ZBTB2: variants seen among roughly 807,000 people sequenced by gnomAD.
The protein encoded by ZBTB2 is zinc finger and BTB domain containing 2.
Under a neutral mutation model 39.5 loss-of-function variants are expected in ZBTB2, and 2 were observed. The ratio of observed to expected loss-of-function variants is 0.05; its 90% confidence interval spans 0.02 to 0.16. ZBTB2 has a LOEUF of 0.16. Ranked by LOEUF, ZBTB2 falls within the 10% of genes least tolerant of loss-of-function variation. The pLI, the probability that ZBTB2 is intolerant of heterozygous loss-of-function variation, is 1.00. For synonymous variants in ZBTB2, 251 were observed against 256.6 expected (o/e 0.98, Z 0.21); for missense variants, 391 against 653.0 (o/e 0.60, Z 4.37).
Position 151,365,170 on chromosome 6 carries a change from C to A in ZBTB2, c.*351G>T. On this transcript the variant is annotated 3_prime_UTR_variant, in exon 3 of 3. Coordinates refer to ENST00000325144, the MANE Select transcript of ZBTB2 (RefSeq NM_020861.3). The surrounding 1 kb of genome is among the most constrained non-coding windows in gnomAD (Gnocchi z 5.6). ...TTGTTTTTCTGAGAAGACTTTTTAC[C>A]CAGGGAAAGTCATAATTTTAGCTTA... 1 of 193,866 alleles carries A rather than the reference C, an allele frequency of 5.2e-6. No homozygotes were observed. Among genetic ancestry groups the A allele is most frequent in the African/African-American group, 2.4e-5 (1 of 42,408 alleles). 12.0% of individuals were successfully genotyped at this position (193,866 alleles called of 1,614,324 possible).
At chr6:151,369,998 TATTTCCAGGC>T in intron 2 of ZBTB2, 1 of 595,850 alleles carries the variant, frequency 1.7e-6, no homozygotes, top group Non-Finnish European at 2.1e-6. Context: ...TGACTGCTTT[TATTTCCAGGC>T]AGCTTGACCT....
chr6:151,388,711 A>T (rs1178748924), intron 1 of ZBTB2, among the ~76,000 whole-genome samples: 1 of 152,198 alleles, frequency 6.6e-6, no homozygotes, highest in African/African-American at 2.4e-5. Flanking sequence ...ATAAAAGTGC[A>T]GATTTTGGAG....
At chr6:151,378,307 G>A (rs532944668) in intron 1 of ZBTB2, among the ~76,000 whole-genome samples, 10 of 152,036 alleles carry the variant, frequency 6.6e-5, no homozygotes, top group African/African-American at 1.4e-4. Flanking sequence ...ATCTAAGCAC[G>A]AGATAGGAGA....
At chr6:151,373,843 T>TA (rs200070063) in intron 1 of ZBTB2, among the ~76,000 whole-genome samples, 194 bp from the exon 2 acceptor site, 4,799 of 45,686 alleles carry the variant, frequency 0.11, 948 homozygotes, top group Non-Finnish European at 0.15. Flanking sequence ...ATTATGCCTT[T>TA]AAAAAAAAAA....
At chr6:151,380,321 T>G (rs1228908206) in intron 1 of ZBTB2, among the ~76,000 whole-genome samples, 1 of 152,146 alleles carries the variant, frequency 6.6e-6, no homozygotes, top group Non-Finnish European at 1.5e-5. Context: ...CCTGAGGAAA[T>G]GGGGCAAAAG....
intron 1 of ZBTB2, among the ~76,000 whole-genome samples, chr6:151,387,442 G>C (rs181330047): frequency 6.6e-6 from 1 of 152,276 alleles, no homozygotes; most frequent in Admixed American, 6.5e-5. Context: ...ATTGAATCCT[G>C]AAAGGATCCT....
At chr6:151,390,038 C>A (rs1443793162) in intron 1 of ZBTB2, among the ~76,000 whole-genome samples, 1 of 151,846 alleles carries the variant, frequency 6.6e-6, no homozygotes, top group Non-Finnish European at 1.5e-5. Flanking sequence ...GAGGGCCGCG[C>A]GGGTCCCACG....
At chr6:151,383,710 T>G (rs1035335449) in intron 1 of ZBTB2, among the ~76,000 whole-genome samples, 1 of 152,044 alleles carries the variant, frequency 6.6e-6, no homozygotes, top group Non-Finnish European at 1.5e-5. Flanking sequence ...TGCTCCAGGA[T>G]TTTGAATATG....
chr6:151,368,142 A>C (rs1778690106), intron 2 of ZBTB2, among the ~76,000 whole-genome samples: 1 of 151,922 alleles, frequency 6.6e-6, no homozygotes, highest in Non-Finnish European at 1.5e-5. Context: ...ATTAACAAAT[A>C]TTTTCTTTTC....
intron 1 of ZBTB2, among the ~76,000 whole-genome samples, chr6:151,390,346 CCCCCTCCCTGT>C (rs1475769332): frequency 3.4e-3 from 411 of 120,544 alleles, no homozygotes; most frequent in African/African-American, 8.4e-3. Context: ...GCCGGCCCCG[CCCCCTCCCTGT>C]CCCCGTCCCC....
chr6:151,374,530 C>T lies in ZBTB2; in HGVS notation c.-12-881G>A, dbSNP rs189866735. 5.7e-4 allele frequency among the ~76,000 whole-genome samples: 87 copies of T among 152,174 alleles called. No individual in the cohort carries two copies. The East Asian group carries it at 9.5e-3, about 17-fold the overall frequency. ...TCAAATCACTAGTCTGCTCCTTTTC[C>T]ACAAAGAGCATTTATAAAAGCCCAT... On this transcript the variant is annotated intron_variant, in intron 1 of 2. Coordinates refer to ENST00000325144, the MANE Select transcript of ZBTB2 (RefSeq NM_020861.3).
chr6:151,388,153 T>C (rs990968729), intron 1 of ZBTB2, among the ~76,000 whole-genome samples: 2 of 151,298 alleles, frequency 1.3e-5, no homozygotes, highest in African/African-American at 2.4e-5. Flanking sequence ...CATAAGAAAA[T>C]AGGAAAAGTG....
At chr6:151,373,326 T>A (rs1778827637) in intron 2 of ZBTB2, 139 bp downstream of exon 2, 2 of 817,398 alleles carry the variant, frequency 2.4e-6, no homozygotes, top group Non-Finnish European at 3.9e-6. Flanking sequence ...AGAAGGGTAG[T>A]GGGGGCGAGT....
chr6:151,374,830 T>G (rs34215066), intron 1 of ZBTB2, among the ~76,000 whole-genome samples: 34,403 of 146,258 alleles, frequency 0.24, 5,925 homozygotes, highest in African/African-American at 0.48. Flanking sequence ...GCCAGACATG[T>G]TGGCTCACGC....
At chr6:151,387,853 T>C (rs1232390383) in intron 1 of ZBTB2, among the ~76,000 whole-genome samples, 1 of 152,214 alleles carries the variant, frequency 6.6e-6, no homozygotes, top group Non-Finnish European at 1.5e-5. Context: ...CTACATATGT[T>C]GGGCTGCCAA....
Position 151,391,557 on chromosome 6 carries a change from C to CGCG in ZBTB2, c.-151_-150insCGC, listed in dbSNP as rs531722252. The CGCG allele has an allele frequency of 9.1e-4, 140 of 153,800 alleles. No individual in the cohort carries two copies. The highest frequency in any genetic ancestry group is 3.3e-3 in the Middle Eastern group (1 of 302). 9.5% of individuals were successfully genotyped at this position (153,800 alleles called of 1,614,324 possible). A position where few individuals can be genotyped will look rare whatever the true frequency, so the allele number is the denominator to read the frequency against. On this transcript the variant is annotated 5_prime_UTR_variant, in exon 1 of 3. Coordinates refer to ENST00000325144, the MANE Select transcript of ZBTB2 (RefSeq NM_020861.3). ...CTGCCGCCGCGGTCGGTGTCTCCGGCGCGGCGGCGGCGGCGGCGGCGGGGC... is the reference window on the plus strand; with the variant it reads ...CTGCCGCCGCGGTCGGTGTCTCCGGCGCGGCGGCGGCGGCGGCGGCGGCGGGGC...
intron 1 of ZBTB2, among the ~76,000 whole-genome samples, chr6:151,389,497 C>T (rs992913566): frequency 7.2e-5 from 11 of 152,156 alleles, no homozygotes; most frequent in Non-Finnish European, 1.3e-4. Context: ...GGTGCTCCAA[C>T]GGGGTTGGCA....
At chr6:151,377,854 TACTA>T (rs1293702589) in intron 1 of ZBTB2, 1 of 152,088 alleles carries the variant, frequency 6.6e-6, no homozygotes, top group African/African-American at 2.4e-5. Flanking sequence ...TTTAAAAGCC[TACTA>T]CACATTAATT....
intron 1 of ZBTB2, among the ~76,000 whole-genome samples, chr6:151,381,389 C>T (rs187029078): frequency 7.6e-4 from 116 of 152,034 alleles, no homozygotes; most frequent in South Asian, 5.2e-3. Context: ...GGCATGGTGG[C>T]GAGTGCCTGT....
Sources: gnomAD v4.1 joint callset for allele counts (sites outside exome capture counted in the v4.1 genomes callset) on GRCh38, gnomAD v4.1.1 for gene constraint, Gnocchi (gnomAD v3.1) non-coding constraint, MANE v1.5 for transcripts, NCBI Gene and HGNC (gene_info 2026-07-23, HGNC 2026-07-21) for gene names.